Variants in PKIB observed in about 807,000 individuals in gnomAD.
The protein encoded by PKIB is cAMP-dependent protein kinase inhibitor beta.
A neutral mutation model predicts 4.5 loss-of-function variants in PKIB; 2 were observed. The observed-to-expected ratio is 0.44, with a 90% CI of 0.18 to 1.39. The LOEUF (loss-of-function observed/expected upper bound fraction) is 1.39, where lower values mean the gene tolerates loss of function less well. Among genes scored for constraint, PKIB ranks in the 40% most tolerant of loss-of-function variants. The pLI is 0.27. For missense variants in PKIB, 94 were observed against 92.6 expected, an observed-to-expected ratio of 1.02 and a Z score of -0.06; for synonymous variants, 38 against 36.0, an observed-to-expected ratio of 1.06 and a Z score of -0.20.
chr6:122,593,818 AAT>A, intron 3 of PKIB, among the ~76,000 whole-genome samples: 1 of 152,312 alleles, frequency 6.6e-6, no homozygotes, highest in Admixed American at 6.5e-5. Context: ...GTTATCTCAG[AAT>A]AGTGTCCTGT....
At chr6:122,528,962 G>A (rs748419677) in intron 2 of PKIB, among the ~76,000 whole-genome samples, 3 of 152,072 alleles carry the variant, frequency 2.0e-5, no homozygotes, top group Non-Finnish European at 4.4e-5. Context: ...TGATCACACC[G>A]CTAACTACTG....
chr6:122,559,009 T>C (rs1324738833), intron 2 of PKIB, among the ~76,000 whole-genome samples: 1 of 152,188 alleles, frequency 6.6e-6, no homozygotes, highest in East Asian at 1.9e-4. Context: ...TGTTTATTTT[T>C]CCATTCCTGA....
chr6:122,627,985 A>G (rs977535749), intron 1 of PKIB, among the ~76,000 whole-genome samples: 2 of 152,104 alleles, frequency 1.3e-5, no homozygotes, highest in Non-Finnish European at 2.9e-5. Context: ...TGGGATTAAC[A>G]TATATACTTT....
intron 2 of PKIB, among the ~76,000 whole-genome samples, chr6:122,658,755 C>T (rs1375403019): frequency 6.6e-6 from 1 of 151,326 alleles, no homozygotes; most frequent in Admixed American, 6.6e-5. Flanking sequence ...ATCCTCTTAC[C>T]TTAAATCTGA....
intron 3 of PKIB, among the ~76,000 whole-genome samples, chr6:122,708,350 G>A (rs1779142347): frequency 6.6e-6 from 1 of 152,040 alleles, no homozygotes; most frequent in South Asian, 2.1e-4. Flanking sequence ...GATTAAGAAT[G>A]CTTTTTTAGG....
intron 2 of PKIB, among the ~76,000 whole-genome samples, chr6:122,545,868 T>C (rs1197981027): frequency 6.6e-6 from 1 of 150,416 alleles, no homozygotes; most frequent in Non-Finnish European, 1.5e-5. Context: ...GAGAGGTGAA[T>C]ATATGGTAGA....
intron 3 of PKIB, among the ~76,000 whole-genome samples, chr6:122,688,938 G>A (rs879780012): frequency 4.6e-5 from 7 of 151,684 alleles, no homozygotes; most frequent in Non-Finnish European, 8.8e-5. Flanking sequence ...CCGCCACCAC[G>A]CCCGTCTAAT....
intron 2 of PKIB, among the ~76,000 whole-genome samples, chr6:122,515,283 T>A (rs944478670): frequency 1.3e-5 from 2 of 152,200 alleles, no homozygotes; most frequent in Non-Finnish European, 2.9e-5. Flanking sequence ...CTTTCTTCTG[T>A]TTCTGACTTC....
At chr6:122,534,064 T>G (rs1777335170) in intron 2 of PKIB, among the ~76,000 whole-genome samples, 1 of 151,342 alleles carries the variant, frequency 6.6e-6, no homozygotes. Context: ...ACTTCTCAGA[T>G]AATCTATTTT....
chr6:122,637,965 C>T (rs1199679164), intron 2 of PKIB, among the ~76,000 whole-genome samples: 1 of 152,066 alleles, frequency 6.6e-6, no homozygotes, highest in Non-Finnish European at 1.5e-5. Flanking sequence ...AAATTATTTG[C>T]AACCTCCTTG....
chr6:122,575,567 C>T (rs547062614), intron 2 of PKIB, among the ~76,000 whole-genome samples: 11 of 152,226 alleles, frequency 7.2e-5, no homozygotes, highest in East Asian at 5.8e-4. Context: ...ATATATACCC[C>T]ATGGAATACT....
rs1222854046 is a variant in PKIB, at chr6:122,656,263, C to T, written c.-75-18815C>T. 2.6e-5 allele frequency among the ~76,000 whole-genome samples: 4 copies of T among 152,156 alleles called. No individual in the cohort carries two copies. The South Asian group carries it at 6.2e-4, about 24-fold the overall frequency. On this transcript the variant is annotated intron_variant, in intron 2 of 4. Coordinates refer to ENST00000368452, the MANE Select transcript of PKIB (RefSeq NM_181795.3). ...AAAGAATAGTGTGTTGTAGACATATCGTGAAAGTTCAAATCCTCTTTCAGA... is the reference window on the plus strand; with the variant it reads ...AAAGAATAGTGTGTTGTAGACATATTGTGAAAGTTCAAATCCTCTTTCAGA...
At chr6:122,647,275 A>G (rs1776360092) in intron 2 of PKIB, among the ~76,000 whole-genome samples, 1 of 152,206 alleles carries the variant, frequency 6.6e-6, no homozygotes, top group Non-Finnish European at 1.5e-5. Flanking sequence ...TATTGAGGAT[A>G]ATCTTCTTCA....
chr6:122,684,262 G>C (rs973845212), intron 3 of PKIB, among the ~76,000 whole-genome samples: 1 of 152,058 alleles, frequency 6.6e-6, no homozygotes, highest in African/African-American at 2.4e-5. Flanking sequence ...CTACAGATCT[G>C]CTGTACAACA....
intron 3 of PKIB, among the ~76,000 whole-genome samples, chr6:122,716,697 G>C (rs1213836347): frequency 1.6e-4 from 24 of 152,080 alleles, no homozygotes; most frequent in Admixed American, 1.6e-3. Context: ...AGCATTTCCT[G>C]AATTGAAGTT....
At chr6:122,508,983 T>C (rs1005718964) in intron 2 of PKIB, among the ~76,000 whole-genome samples, 1 of 152,142 alleles carries the variant, frequency 6.6e-6, no homozygotes, top group Non-Finnish European at 1.5e-5. Flanking sequence ...TCTCCTGACC[T>C]AGTGATCCGC....
At position 122,519,505 on chromosome 6, in the gene PKIB, G is replaced by A. The variant is rs796847224; in HGVS notation, c.-248+41566G>A. On this transcript the variant is annotated intron_variant, in intron 2 of 6. Transcript: ENST00000392491. ...TTCTTCCATGAAACTTGTCCCTGGT[G>A]TCAAAAAGGTTGGAGACCACTGTTT... Among the ~76,000 whole-genome samples, 68 of 152,224 alleles carry A rather than the reference G, an allele frequency of 4.5e-4. 1 individual carries two copies. Among genetic ancestry groups the A allele is most frequent in the African/African-American group, 1.3e-3 (54 of 41,526 alleles).
intron 2 of PKIB, among the ~76,000 whole-genome samples, chr6:122,662,566 T>TG (rs1283884411): frequency 6.6e-6 from 1 of 151,846 alleles, no homozygotes; most frequent in Non-Finnish European, 1.5e-5. Flanking sequence ...GCGATCCACT[T>TG]GCTTTGGCCT....
rs190387702 is a variant in PKIB, at chr6:122,681,225, T to C, written c.-9+6081T>C. Among the ~76,000 whole-genome samples the C allele has an allele frequency of 3.7e-3, 555 of 151,342 alleles. 4 individuals are homozygous for C. The highest frequency in any genetic ancestry group is 0.013 in the African/African-American group (531 of 41,420). Reference sequence around the variant, plus strand: ...GGATTTGTGTTAATAGTTTTTATAATGTTTTTTCTCATCCATTGGAGTTCT... The same window carrying C: ...GGATTTGTGTTAATAGTTTTTATAACGTTTTTTCTCATCCATTGGAGTTCT... On this transcript the variant is annotated intron_variant, in intron 3 of 4. Coordinates refer to ENST00000368452, the MANE Select transcript of PKIB (RefSeq NM_181795.3).
Sources: gnomAD v4.1 joint callset for allele counts (sites outside exome capture counted in the v4.1 genomes callset) on GRCh38, gnomAD v4.1.1 for gene constraint, MANE v1.5 for transcripts, NCBI Gene and HGNC (gene_info 2026-07-23, HGNC 2026-07-21) for gene names.